EPB41: variants seen among roughly 807,000 people sequenced by gnomAD.
EPB41 encodes protein 4.1.
In EPB41, 65 loss-of-function variants were observed where a neutral mutation model predicts 108.0. The ratio of observed to expected loss-of-function variants is 0.60; its 90% CI spans 0.49 to 0.74. The LOEUF (loss-of-function observed/expected upper bound fraction) is 0.74, where lower values mean the gene tolerates loss of function less well. Among genes scored for constraint, EPB41 ranks in the 30% least tolerant of loss-of-function variants. EPB41 has a pLI of 0.00. For synonymous variants in EPB41, 336 were observed against 358.9 expected (o/e 0.94, Z 0.72); for missense variants, 875 against 1,037.0 (o/e 0.84, Z 2.15).
chr1:29,105,877 A>G (rs1022404265), intron 17 of EPB41, among the ~76,000 whole-genome samples: 4 of 151,158 alleles, frequency 2.6e-5, no homozygotes, highest in African/African-American at 9.7e-5. Context: ...CCTCCAGAGT[A>G]ACTGGACTAC....
intron 7 of EPB41, among the ~76,000 whole-genome samples, chr1:29,023,658 G>T (rs546996689): frequency 6.6e-6 from 1 of 151,808 alleles, no homozygotes; most frequent in African/African-American, 2.4e-5. Context: ...TTGTACTCCA[G>T]CCTGGGCAAC....
At chr1:29,069,258 A>G in intron 16 of EPB41, 4 of 1,231,718 alleles carry the variant, frequency 3.2e-6, no homozygotes, top group Non-Finnish European at 3.0e-6. Flanking sequence ...GGCTAGCTCA[A>G]CTGAGAGAAC....
intron 16 of EPB41, among the ~76,000 whole-genome samples, chr1:29,088,820 T>A (rs1660188689): frequency 6.6e-6 from 1 of 152,170 alleles, no homozygotes. Flanking sequence ...TAATAGGACA[T>A]GTCCTGAAGC....
At chr1:28,971,338 C>G (rs1423810928) in intron 1 of EPB41, among the ~76,000 whole-genome samples, 1 of 151,808 alleles carries the variant, frequency 6.6e-6, no homozygotes, top group African/African-American at 2.4e-5. Context: ...CGCCTGCCAC[C>G]ATGCCTGGCT....
At chr1:28,982,512 G>A in intron 1 of EPB41, 1 of 940,752 alleles carries the variant, frequency 1.1e-6, no homozygotes, top group East Asian at 2.4e-5. Context: ...GGCAATCTGA[G>A]GTGCTATCAT....
chr1:28,899,832 G>A (rs2147894534), intron 1 of EPB41, among the ~76,000 whole-genome samples: 1 of 152,226 alleles, frequency 6.6e-6, no homozygotes, highest in African/African-American at 2.4e-5. Flanking sequence ...TAATACTACA[G>A]GATTAAAAGT....
intron 1 of EPB41, among the ~76,000 whole-genome samples, chr1:28,957,458 G>A (rs560159732): frequency 6.6e-6 from 1 of 152,294 alleles, no homozygotes; most frequent in East Asian, 1.9e-4. Context: ...AGGCTGAAGT[G>A]CAGTGACGTA....
Position 28,993,448 on chromosome 1 carries a change from A to G in EPB41, c.587A>G (p.Glu196Gly). ...AGCCCTCAATCAAAAGCAGAAACAG[A>G]ATTAAAAGCTTCCCAAAAACCAATC... ...EESPQSKAETELKASQKPIRK... is the reference protein window; with the variant it reads ...EESPQSKAETGLKASQKPIRK... Residue 196 changes from glutamate (E) to glycine (G), a missense_variant, in exon 3 of 21, where the codon GAA becomes GGA. By Grantham distance (98) the Glu-to-Gly change is moderately conservative. Around this residue, in one of 3 missense-constraint regions of EPB41, gnomAD observed 353 missense variants for 393.2 expected, o/e 0.90. Transcript: ENST00000343067. 1 of 1,614,050 alleles carries G rather than the reference A, an allele frequency of 6.2e-7. No homozygotes were observed. The highest frequency in any genetic ancestry group is 8.5e-7 in the Non-Finnish European group (1 of 1,180,006).
Position 28,905,495 on chromosome 1 carries a change from C to CAAA in EPB41, c.-8+18295_-8+18297dup, listed in dbSNP as rs776733764. 6.7e-4 allele frequency among the ~76,000 whole-genome samples: 92 copies of CAAA among 137,230 alleles called. 1 individual carries two copies. The highest frequency in any genetic ancestry group is 2.3e-3 in the African/African-American group (87 of 37,932). 90.0% of individuals were successfully genotyped at this position (137,230 alleles called of 152,430 possible). A position where few individuals can be genotyped will look rare whatever the true frequency, so the allele number is the denominator to read the frequency against. On this transcript the variant is annotated intron_variant, in intron 1 of 16. Transcript: ENST00000347529. ...TGGGCGACAGAGGAAGACTATGTCT[C>CAAA]AAAAAAAAAAAACAACAAAAAACCA...
intron 16 of EPB41, among the ~76,000 whole-genome samples, chr1:29,092,585 G>T (rs974022883): frequency 2.6e-5 from 4 of 152,024 alleles, no homozygotes; most frequent in Non-Finnish European, 5.9e-5. Flanking sequence ...AGGTACACGC[G>T]CAGGTTTGTT....
At chr1:28,996,693 T>C (rs1267494276) in intron 3 of EPB41, among the ~76,000 whole-genome samples, 1 of 152,234 alleles carries the variant, frequency 6.6e-6, no homozygotes, top group Non-Finnish European at 1.5e-5. Context: ...ATTACATATG[T>C]AAACTGACAA....
chr1:29,079,025 C>T (rs894808565), intron 16 of EPB41, among the ~76,000 whole-genome samples: 5 of 149,580 alleles, frequency 3.3e-5, no homozygotes, highest in East Asian at 3.9e-4. Context: ...CACAAAATTT[C>T]GCTCTTGTTG....
chr1:29,110,471 A>C (rs1454528028), intron 18 of EPB41, among the ~76,000 whole-genome samples: 4 of 152,266 alleles, frequency 2.6e-5, no homozygotes, highest in Non-Finnish European at 5.9e-5. Flanking sequence ...TTTTTACAGC[A>C]TTCCAGGGAC....
chr1:28,911,190 T>C, upstream of EPB41: 1 of 985,218 alleles, frequency 1.0e-6, no homozygotes, highest in Non-Finnish European at 1.2e-6. Flanking sequence ...CACTCAGAGA[T>C]TGGGCACTTA....
chr1:29,057,037 CTTG>C (rs1223820476), intron 12 of EPB41, among the ~76,000 whole-genome samples: 8 of 152,006 alleles, frequency 5.3e-5, no homozygotes, highest in Non-Finnish European at 1.2e-4. Context: ...GTAAAAAAAA[CTTG>C]TTAATGACCA....
intron 1 of EPB41, among the ~76,000 whole-genome samples, chr1:28,966,557 A>ATC (rs1402077168): frequency 6.6e-6 from 1 of 152,226 alleles, no homozygotes; most frequent in Non-Finnish European, 1.5e-5. Context: ...AAATCAAGTA[A>ATC]AAACCATATA....
At chr1:29,034,973 GTTTTTTTTTT>G (rs10580931) in intron 9 of EPB41, among the ~76,000 whole-genome samples, 11 of 87,188 alleles carry the variant, frequency 1.3e-4, no homozygotes, top group Admixed American at 3.0e-4. Context: ...TTTGTTTGTT[GTTTTTTTTTT>G]TTTTTTTTTT....
At chr1:29,058,514 T>C (rs1645941712) in intron 12 of EPB41, 75 bp from the exon 13 acceptor site, 1 of 1,325,932 alleles carries the variant, frequency 7.5e-7, no homozygotes, top group Non-Finnish European at 1.1e-6. Flanking sequence ...AAGATGCAGC[T>C]TATTTGGAAA....
intron 4 of EPB41, among the ~76,000 whole-genome samples, chr1:28,998,368 G>T (rs990578743): frequency 6.6e-6 from 1 of 152,170 alleles, no homozygotes; most frequent in African/African-American, 2.4e-5. Flanking sequence ...ACAGGTATAC[G>T]TCCAGGTTGC....
Sources: gnomAD v4.1 joint callset for allele counts (sites outside exome capture counted in the v4.1 genomes callset) on GRCh38, gnomAD v4.1.1 for gene constraint, gnomAD v4.1.1 regional missense constraint, MANE v1.5 for transcripts, NCBI Gene and HGNC (gene_info 2026-07-23, HGNC 2026-07-21) for gene names.